The following LINGO2 variants were observed in gnomAD, a reference collection of about 807,000 sequenced individuals.
LINGO2 encodes the protein leucine-rich repeat and immunoglobulin-like domain-containing nogo receptor-interacting protein 2.
A neutral mutation model predicts 30.6 loss-of-function variants in LINGO2; 14 were observed. The ratio of observed to expected loss-of-function variants is 0.46; its 90% CI spans 0.30 to 0.72. LINGO2 has a LOEUF of 0.72. Among genes scored for constraint, LINGO2 ranks in the 30% least tolerant of loss-of-function variants. The probability of loss-of-function intolerance (pLI) is 0.07; values close to 1 mark genes in which losing one functional copy is unlikely to be tolerated. For synonymous variants in LINGO2, 317 were observed against 288.5 expected, an observed-to-expected ratio of 1.10 and a Z score of -1.00; for missense variants, 729 against 751.7, an observed-to-expected ratio of 0.97 and a Z score of 0.35.
At chr9:28,163,929 G>C (rs1054016045) in intron 4 of LINGO2, among the ~76,000 whole-genome samples, 1 of 152,086 alleles carries the variant, frequency 6.6e-6, no homozygotes, top group African/African-American at 2.4e-5. Context: ...AATATCTTTT[G>C]GCCCTGGCTT....
chr9:29,211,553 T>A, the LINGO2 span, among the ~76,000 whole-genome samples: 1 of 142,174 alleles, frequency 7.0e-6, no homozygotes, highest in Non-Finnish European at 1.5e-5. Context: ...GACTTCCTTC[T>A]CATCCTTCTC....
At chr9:28,695,533 T>C in the LINGO2 span, among the ~76,000 whole-genome samples, 1 of 151,968 alleles carries the variant, frequency 6.6e-6, no homozygotes, top group Middle Eastern at 3.4e-3. Flanking sequence ...GGGTAGTAAA[T>C]AGATGTTAGA....
intron 1 of LINGO2, among the ~76,000 whole-genome samples, chr9:28,508,107 C>G (rs950270003): frequency 6.6e-6 from 1 of 151,966 alleles, no homozygotes; most frequent in South Asian, 2.1e-4. Flanking sequence ...CTAAACTTGG[C>G]TTTCTTATGG....
chr9:28,312,492 T>C (rs969187054), intron 3 of LINGO2, among the ~76,000 whole-genome samples: 39 of 152,198 alleles, frequency 2.6e-4, no homozygotes, highest in African/African-American at 8.7e-4. Flanking sequence ...TTAAAAATAA[T>C]GATAAAATTG....
At chr9:27,939,249 A>G in the LINGO2 span, 1 of 152,228 alleles carries the variant, frequency 6.6e-6, no homozygotes, top group South Asian at 2.1e-4. Flanking sequence ...AACCATTAGA[A>G]CAATGAACTA....
intron 2 of LINGO2, among the ~76,000 whole-genome samples, chr9:28,465,831 C>T (rs1484195101): frequency 6.6e-6 from 1 of 152,018 alleles, no homozygotes; most frequent in African/African-American, 2.4e-5. Flanking sequence ...AAATAAGACA[C>T]AAAATGGCAA....
chr9:28,063,859 C>T (rs919872555), intron 4 of LINGO2, among the ~76,000 whole-genome samples: 9 of 152,158 alleles, frequency 5.9e-5, no homozygotes, highest in African/African-American at 1.9e-4. Flanking sequence ...TACCAAGCCT[C>T]ATGCAAACAA....
the LINGO2 span, chr9:28,863,806 AGAATATG>A: frequency 3.1e-6 from 1 of 324,452 alleles, no homozygotes; most frequent in African/African-American, 2.1e-5. Context: ...AATCAATTGA[AGAATATG>A]CTCAGTTTTG....
At chr9:28,552,966 T>C (rs1822389801) in intron 1 of LINGO2, among the ~76,000 whole-genome samples, 1 of 152,030 alleles carries the variant, frequency 6.6e-6, no homozygotes, top group Non-Finnish European at 1.5e-5. Context: ...CCCAGATATT[T>C]TGAAGCTTTC....
chr9:28,207,388 C>A (rs149841862), intron 4 of LINGO2, among the ~76,000 whole-genome samples: 4 of 152,126 alleles, frequency 2.6e-5, no homozygotes, highest in African/African-American at 9.6e-5. Flanking sequence ...TAAATTGTAG[C>A]AGATTTATAA....
At chr9:27,987,001 C>T (rs1821154994) in intron 5 of LINGO2, among the ~76,000 whole-genome samples, 1 of 151,748 alleles carries the variant, frequency 6.6e-6, no homozygotes, top group Admixed American at 6.6e-5. Context: ...ATAGTAATTC[C>T]CACTTTTTCA....
At chr9:27,989,173 T>C (rs1821268074) in intron 5 of LINGO2, among the ~76,000 whole-genome samples, 1 of 151,954 alleles carries the variant, frequency 6.6e-6, no homozygotes, top group Non-Finnish European at 1.5e-5. Context: ...ACCCAGGTCT[T>C]TGCATGGCTT....
At chr9:28,514,465 T>C (rs904930763) in intron 1 of LINGO2, among the ~76,000 whole-genome samples, 3 of 152,142 alleles carry the variant, frequency 2.0e-5, no homozygotes, top group Non-Finnish European at 4.4e-5. Flanking sequence ...ACAAGAATAA[T>C]AAGAAAGGGA....
chr9:29,089,076 C>T, the LINGO2 span, among the ~76,000 whole-genome samples: 1 of 151,932 alleles, frequency 6.6e-6, no homozygotes, highest in Admixed American at 6.6e-5. Flanking sequence ...TAATTCTCTT[C>T]ATTTTTAAAA....
At chr9:28,003,562 CATT>C (rs1468441318) in intron 5 of LINGO2, among the ~76,000 whole-genome samples, 1 of 152,086 alleles carries the variant, frequency 6.6e-6, no homozygotes, top group Non-Finnish European at 1.5e-5. Context: ...GAGTTCATGC[CATT>C]CTTCTCCTGC....
chr9:29,171,378 C>T, the LINGO2 span, among the ~76,000 whole-genome samples: 3 of 152,042 alleles, frequency 2.0e-5, no homozygotes, highest in Non-Finnish European at 4.4e-5. Context: ...AGTCTTAGAA[C>T]TTGAGTATTT....
intron 4 of LINGO2, among the ~76,000 whole-genome samples, chr9:28,119,739 G>C (rs545796807): frequency 7.2e-5 from 11 of 152,214 alleles, no homozygotes; most frequent in African/African-American, 2.6e-4. Flanking sequence ...CAGAGGGCTT[G>C]GTTAATTAAA....
the LINGO2 span, among the ~76,000 whole-genome samples, chr9:29,055,391 T>A: frequency 1.3e-5 from 2 of 152,178 alleles, no homozygotes; most frequent in Non-Finnish European, 1.5e-5. Context: ...TACTTCCTTA[T>A]TAAGGCTGAA....
chr9:28,607,265 T>A (rs1263872464), intron 1 of LINGO2, among the ~76,000 whole-genome samples: 1 of 152,072 alleles, frequency 6.6e-6, no homozygotes, highest in Non-Finnish European at 1.5e-5. Flanking sequence ...TAAAAGTCAC[T>A]GATCAAAAGA....
Sources: gnomAD v4.1 joint callset for allele counts (sites outside exome capture counted in the v4.1 genomes callset) on GRCh38, gnomAD v4.1.1 for gene constraint, MANE v1.5 for transcripts, NCBI Gene and HGNC (gene_info 2026-07-23, HGNC 2026-07-21) for gene names.